Variants in BAHD1 observed in about 807,000 individuals in gnomAD.
BAHD1 encodes bromo adjacent homology domain containing 1, also known as bromo adjacent homology domain-containing 1 protein.
BAHD1 carries 20 observed loss-of-function variants against 63.1 expected under a neutral mutation model. The ratio of observed to expected loss-of-function variants is 0.32; its 90% CI spans 0.22 to 0.46. The LOEUF is 0.46. BAHD1 is among the 20% of genes least tolerant of loss of function. The pLI is 1.00. For missense variants in BAHD1, 939 were observed against 1,071.8 expected, an observed-to-expected ratio of 0.88 and a Z score of 1.73; for synonymous variants, 408 against 426.8, an observed-to-expected ratio of 0.96 and a Z score of 0.54.
intron 3 of BAHD1, 93 bp from the exon 4 acceptor site, chr15:40,463,767 TG>T: frequency 7.0e-7 from 1 of 1,419,364 alleles, no homozygotes; most frequent in East Asian, 2.4e-5. Flanking sequence ...TTGACTATCT[TG>T]AGGAAATCGT....
chr15:40,451,230 C>T (rs1033082927), intron 1 of BAHD1, among the ~76,000 whole-genome samples: 4 of 149,720 alleles, frequency 2.7e-5, no homozygotes, highest in Non-Finnish European at 5.9e-5. Context: ...ATGAATTTCT[C>T]AGAGTGCTGC....
intron 2 of BAHD1, among the ~76,000 whole-genome samples, chr15:40,461,406 G>A (rs760632911): frequency 1.5e-4 from 23 of 152,174 alleles, no homozygotes; most frequent in Non-Finnish European, 2.6e-4. Context: ...GGGAGGCTGA[G>A]GCGGGCAGAT....
In BAHD1 at chr15:40,459,839, G is replaced by T. The variant is rs1193782235; in HGVS notation, c.1375G>T (p.Val459Phe). ...CATCTGCGGAGTGTTGCCCCTGTCT[G>T]TTACCCACGCTGGCACTACCTGTGG... ...YSICGVLPLS[V>F]THAGTTCGGC... The change falls in exon 2 of 7, where the codon GTT (valine) becomes TTT (phenylalanine). Residue 459 changes from valine (V) to phenylalanine (F), a missense_variant. Physicochemically the swap from Val to Phe is conservative, Grantham distance 50 (BLOSUM62 -1). This residue lies in a region of BAHD1 where 797 missense variants were observed against 813.3 expected (regional missense o/e 0.98). Coordinates refer to ENST00000416165, the MANE Select transcript of BAHD1 (RefSeq NM_014952.5). The T allele has an allele frequency of 5.0e-6, 8 of 1,609,406 alleles. No individual in the cohort carries two copies. The highest frequency in any genetic ancestry group is 4.2e-6 in the Non-Finnish European group (5 of 1,177,562).
At chr15:40,453,448 C>T (rs1225335448) in intron 1 of BAHD1, 1 of 152,206 alleles carries the variant, frequency 6.6e-6, no homozygotes, top group African/African-American at 2.4e-5. Flanking sequence ...ATTCAGTGCT[C>T]ATGACAAGTG....
At chr15:40,443,445 C>A in intron 1 of BAHD1, 1 of 430,322 alleles carries the variant, frequency 2.3e-6, no homozygotes, top group Non-Finnish European at 3.1e-6. Flanking sequence ...GGCTACACGG[C>A]ATGTGATTTC....
intron 1 of BAHD1, among the ~76,000 whole-genome samples, chr15:40,452,187 TC>T (rs1279141922): frequency 6.6e-6 from 1 of 152,238 alleles, no homozygotes; most frequent in East Asian, 1.9e-4. Context: ...GTTTTTAGGC[TC>T]CCAGTCTGGT....
chr15:40,459,502 T>C lies in BAHD1; in HGVS notation c.1038T>C (p.Ser346=), dbSNP rs1051732364. 1.7e-5 allele frequency: 28 copies of C among 1,613,952 alleles called. No individual in the cohort carries two copies. The Middle Eastern group carries it at 4.9e-4, about 28-fold the overall frequency. Residue 346 remains serine, a synonymous_variant, in exon 2 of 7, where the codon TCT becomes TCC. Transcript: ENST00000416165. ...PAPKQELHQP[S]FPTPQLSPLP... ...CTAAGCAGGAACTGCATCAGCCCTCTTTCCCCACACCTCAGCTGTCGCCGC... is the reference window on the plus strand; with the variant it reads ...CTAAGCAGGAACTGCATCAGCCCTCCTTCCCCACACCTCAGCTGTCGCCGC...
chr15:40,449,091 C>G (rs1018212697), intron 1 of BAHD1, among the ~76,000 whole-genome samples: 2 of 152,224 alleles, frequency 1.3e-5, no homozygotes, highest in African/African-American at 4.8e-5. Context: ...GCTGGGATTA[C>G]AGGCGTGAGC....
chr15:40,447,568 A>G (rs1404471443), intron 1 of BAHD1, among the ~76,000 whole-genome samples: 4 of 15,344 alleles, frequency 2.6e-4, no homozygotes, highest in Non-Finnish European at 4.8e-4. Flanking sequence ...CAGAATAAAT[A>G]AATAAATAAA....
rs868047663 is a variant in BAHD1, at chr15:40,466,125, C to T, written c.2338C>T (p.Gln780Ter). The change falls in exon 7 of 7, where the codon CAG becomes TAG. Residue 780 changes from glutamine to a stop codon, truncating the protein, a stop_gained. Transcript: ENST00000416165. LOFTEE classifies it high-confidence loss of function. ...CCACGGGCGCATCCTTAAGAACCCC[C>T]AGTAGCCTCCTCATGCCCATGCTGG... ...FRHGRILKNP[Q>*] 1.2e-6 allele frequency: 2 copies of T among 1,612,156 alleles called. No individual in the cohort carries two copies. Among genetic ancestry groups the T allele is most frequent in the Non-Finnish European group, 1.7e-6 (2 of 1,178,860 alleles).
intron 1 of BAHD1, chr15:40,443,238 C>T (rs947390222): frequency 2.0e-6 from 2 of 984,714 alleles, no homozygotes; most frequent in Non-Finnish European, 2.4e-6. Context: ...GTAGCATGGG[C>T]ATGGGAGTTT....
At chr15:40,440,378 C>T (rs1256621246), upstream of BAHD1, among the ~76,000 whole-genome samples, 2 of 151,990 alleles carry the variant, frequency 1.3e-5, no homozygotes, top group Non-Finnish European at 2.9e-5. Flanking sequence ...GTCTGGGGCC[C>T]TTTCTGCAGG....
chr15:40,440,895 G>A (rs994169666), upstream of BAHD1, among the ~76,000 whole-genome samples: 1 of 152,170 alleles, frequency 6.6e-6, no homozygotes, highest in Non-Finnish European at 1.5e-5. Context: ...GGGGCGCGCT[G>A]CTGATTGGCT....
At position 40,462,166 on chromosome 15, in the gene BAHD1, G is replaced by T; in HGVS notation, c.1687G>T (p.Ala563Ser). 2 of 1,612,100 alleles carry T rather than the reference G, an allele frequency of 1.2e-6. No homozygotes were observed. The highest frequency in any genetic ancestry group is 1.7e-6 in the Non-Finnish European group (2 of 1,179,954). The change falls in exon 3 of 7, where the codon GCT becomes TCT. Residue 563 changes from alanine (A) to serine (S), a missense_variant. By Grantham distance (99) the Ala-to-Ser change is moderately conservative. Around this residue, in one of 5 missense-constraint regions of BAHD1, gnomAD observed 797 missense variants for 813.3 expected, o/e 0.98. Transcript: ENST00000416165. ...CTGCAGGCACACTGCAAGGAGCAAG[G>T]CTGCCCGCAGGCCTAGCCACCCCAA... is the stretch of plus-strand genomic sequence containing the variant. Reference protein sequence around the residue: ...SSCRHTARSKAARRPSHPKQP... With the variant: ...SSCRHTARSKSARRPSHPKQP...
rs1894234408 is a variant in BAHD1 at position 40,467,117 on chromosome 15, C to T, written c.*987C>T. The T allele has an allele frequency of 6.6e-6, 1 of 152,666 alleles. No homozygotes were observed. The highest frequency in any genetic ancestry group is 6.5e-5 in the Admixed American group (1 of 15,284). The allele number at this position is 152,666 out of a possible 1,614,324, so 9.5% of individuals were successfully genotyped here. ...TTTTGTAGATTGCACTAATTTACAT[C>T]CTAGCAAGAATCAACACTGTATCAG... On this transcript the variant is annotated 3_prime_UTR_variant, in exon 7 of 7. Coordinates refer to ENST00000416165, the MANE Select transcript of BAHD1 (RefSeq NM_014952.5).
chr15:40,466,218 G>C lies in BAHD1; in HGVS notation c.*88G>C. On this transcript the variant is annotated 3_prime_UTR_variant, in exon 7 of 7. Transcript: ENST00000416165. ...TTGAAGCACAGCACTTGGTTAGGGG[G>C]CCACAGAGGCCTAAGTTTGCTGGCC... 1 of 1,092,140 alleles carries C rather than the reference G, an allele frequency of 9.2e-7. No individual in the cohort carries two copies. The highest frequency in any genetic ancestry group is 1.2e-6 in the Non-Finnish European group (1 of 802,984). The allele number at this position is 1,092,140 out of a possible 1,614,324, so 67.7% of individuals were successfully genotyped here.
intron 3 of BAHD1, 113 bp downstream of exon 3, chr15:40,462,407 A>G (rs950765807): frequency 6.4e-6 from 9 of 1,407,674 alleles, no homozygotes; most frequent in Non-Finnish European, 8.6e-6. Context: ...AGAGCTGACA[A>G]GGGACTCCAG....
rs191621082 is a variant in BAHD1, at chr15:40,442,507, C to G, written c.-15+1239C>G. Among the ~76,000 whole-genome samples the G allele has an allele frequency of 3.6e-3, 547 of 152,232 alleles. 7 individuals are homozygous for G. The highest frequency in any genetic ancestry group is 0.013 in the African/African-American group (525 of 41,532). The stretch of plus-strand genomic sequence containing the variant: ...ACAGACCCAGTGAGCCGCTGTAGAG[C>G]CTGTCAAGAATGAGGGGTTTTTCAA... On this transcript the variant is annotated intron_variant, in intron 1 of 6. Coordinates refer to ENST00000416165, the MANE Select transcript of BAHD1 (RefSeq NM_014952.5).
At chr15:40,453,160 A>G (rs1893754921) in intron 1 of BAHD1, among the ~76,000 whole-genome samples, 1 of 152,122 alleles carries the variant, frequency 6.6e-6, no homozygotes, top group Non-Finnish European at 1.5e-5. Context: ...TTTTTGGTAT[A>G]TCCATCTTAG....
Sources: allele counts gnomAD v4.1 joint callset (sites outside exome capture counted in the v4.1 genomes callset), GRCh38; gene constraint gnomAD v4.1.1; regional missense constraint gnomAD v4.1.1; transcripts MANE v1.5; gene names NCBI Gene and HGNC (gene_info 2026-07-23, HGNC 2026-07-21).